The following CDHR3 variants were observed in gnomAD, a reference collection of about 807,000 sequenced individuals.
CDHR3 encodes cadherin-related family member 3.
Under a neutral mutation model 86.6 loss-of-function variants are expected in CDHR3, and 79 were observed. That is an observed-to-expected ratio of 0.91 (90% CI 0.76 to 1.10). CDHR3 has a LOEUF of 1.10. Among genes scored for constraint, CDHR3 ranks in the 50% least tolerant of loss-of-function variants. CDHR3 has a pLI of 0.00. For synonymous variants in CDHR3, 421 were observed against 402.4 expected (o/e 1.05, Z -0.55); for missense variants, 1,081 against 1,077.6 (o/e 1.00, Z -0.04).
chr7:105,966,711 C>T (rs1219871745), intron 1 of CDHR3, among the ~76,000 whole-genome samples: 1 of 152,190 alleles, frequency 6.6e-6, no homozygotes, highest in Non-Finnish European at 1.5e-5. Flanking sequence ...AGTCCCTTCT[C>T]TCAGCTCTTC....
intron 1 of CDHR3, 94 bp from the exon 2 acceptor site, chr7:105,974,750 G>A (rs1242780598): frequency 6.5e-6 from 6 of 927,776 alleles, no homozygotes; most frequent in South Asian, 5.9e-5. Context: ...GTCACCCTGA[G>A]CTACGAATTG....
At chr7:105,997,939 G>A (rs1832516204) in intron 6 of CDHR3, among the ~76,000 whole-genome samples, 1 of 150,916 alleles carries the variant, frequency 6.6e-6, no homozygotes, top group Admixed American at 6.6e-5. Context: ...TCTGTGTGAC[G>A]GTCTTTTTTT....
chr7:106,006,311 G>A (rs374068657), intron 8 of CDHR3, among the ~76,000 whole-genome samples: 25 of 152,178 alleles, frequency 1.6e-4, no homozygotes, highest in Non-Finnish European at 2.6e-4. Flanking sequence ...CAAATCTCAC[G>A]TTCTCACATT....
intron 1 of CDHR3, among the ~76,000 whole-genome samples, chr7:105,967,929 T>A (rs1827241224): frequency 6.6e-6 from 1 of 152,250 alleles, no homozygotes; most frequent in African/African-American, 2.4e-5. Context: ...GATGGTAGTT[T>A]CTTTTGCTGT....
chr7:105,990,955 C>T (rs1831263494), intron 4 of CDHR3, among the ~76,000 whole-genome samples: 1 of 152,174 alleles, frequency 6.6e-6, no homozygotes, highest in African/African-American at 2.4e-5. Flanking sequence ...CAAACTAAAG[C>T]TTTTGTGTCT....
At chr7:106,022,101 A>G (rs1836653823) in intron 13 of CDHR3, 97 bp from the exon 14 acceptor site, 2 of 1,462,634 alleles carry the variant, frequency 1.4e-6, no homozygotes, top group Non-Finnish European at 1.9e-6. Flanking sequence ...AGGTGTGGAC[A>G]TTTGAGAAAA....
Position 106,004,692 on chromosome 7 carries a change from G to A in CDHR3, c.1052+5G>A. 6.2e-7 allele frequency: 1 copy of A among 1,613,876 alleles called. No homozygotes were observed. Among genetic ancestry groups the A allele is most frequent in the Non-Finnish European group, 8.5e-7 (1 of 1,179,792 alleles). Reference sequence around the variant, plus strand: ...ATGCCAAAAGTTCACCTTCAGGTATGCACACTTTGAAAGTTGGGCTGGACA... The same window carrying A: ...ATGCCAAAAGTTCACCTTCAGGTATACACACTTTGAAAGTTGGGCTGGACA... On this transcript the variant is annotated splice_donor_5th_base_variant and intron_variant, in intron 8 of 18. Coordinates refer to ENST00000317716, the MANE Select transcript of CDHR3 (RefSeq NM_152750.5).
chr7:106,031,270 G>T (rs1180876708), intron 18 of CDHR3, among the ~76,000 whole-genome samples: 2 of 152,142 alleles, frequency 1.3e-5, no homozygotes, highest in Non-Finnish European at 2.9e-5. Context: ...AAGATACAGA[G>T]AAATGGCAAG....
rs2115953087 is a variant in CDHR3, at chr7:106,036,421, T to C, written c.*3724T>C. ...TTCGTATTCATTCAATAAATATCTGTGGAGCAACTACCATGTGCCAAGCGT... is the reference window on the plus strand; with the variant it reads ...TTCGTATTCATTCAATAAATATCTGCGGAGCAACTACCATGTGCCAAGCGT... On this transcript the variant is annotated 3_prime_UTR_variant, in exon 19 of 19. Coordinates refer to ENST00000317716, the MANE Select transcript of CDHR3 (RefSeq NM_152750.5). 1 of 152,308 alleles carries C rather than the reference T, an allele frequency of 6.6e-6. No homozygotes were observed. 9.4% of individuals were successfully genotyped at this position (152,308 alleles called of 1,614,324 possible). A position where few individuals can be genotyped will look rare whatever the true frequency, so the allele number is the denominator to read the frequency against.
intron 3 of CDHR3, among the ~76,000 whole-genome samples, chr7:105,983,522 T>A (rs922068833): frequency 1.3e-5 from 2 of 151,778 alleles, no homozygotes. Flanking sequence ...CCCAATAGAG[T>A]GAGTTACTTT....
chr7:106,023,518 C>T (rs555834127), intron 14 of CDHR3, among the ~76,000 whole-genome samples: 4 of 152,156 alleles, frequency 2.6e-5, no homozygotes, highest in Non-Finnish European at 5.9e-5. Flanking sequence ...TCTATGCTGA[C>T]TCATCTGTCC....
intron 4 of CDHR3, among the ~76,000 whole-genome samples, chr7:105,985,825 A>C (rs1358666312): frequency 7.1e-6 from 1 of 141,708 alleles, no homozygotes; most frequent in East Asian, 1.9e-4. Flanking sequence ...CTAGTTAGGA[A>C]TGTGTTTGTC....
rs777741458 is a variant in CDHR3 at position 106,024,381 on chromosome 7, C to T, written c.2077C>T (p.Pro693Ser). ...CCCTCCCTGCTCTCTGTTGTTCAAG[C>T]CCAGGGTCACCTATCAGGTCCTGAG... is the stretch of plus-strand genomic sequence containing the variant. The part of the protein sequence containing the change: ...PTTIITTTPR[P>S]RVTYQVLRKN... The change falls in exon 15 of 19, where the codon CCC becomes TCC. Residue 693 changes from proline to serine, a missense_variant and splice_region_variant. Pro to Ser is a moderately conservative substitution (Grantham distance 74). Transcript: ENST00000317716. 7 of 1,613,774 alleles carry T rather than the reference C, an allele frequency of 4.3e-6. No homozygotes were observed. Among genetic ancestry groups the T allele is most frequent in the Non-Finnish European group, 5.1e-6 (6 of 1,179,724 alleles).
At chr7:105,980,614 TTTTTTTTAA>T (rs1563238929) in intron 2 of CDHR3, among the ~76,000 whole-genome samples, 4 of 88,578 alleles carry the variant, frequency 4.5e-5, no homozygotes, top group Non-Finnish European at 6.6e-5. Flanking sequence ...TTAATTTTTT[TTTTTTTTAA>T]TTTTTTTTTT....
In CDHR3 at chr7:105,994,800, C is replaced by A; in HGVS notation, c.563C>A (p.Thr188Asn). Residue 188 changes from threonine to asparagine, a missense_variant, in exon 5 of 19, where the codon ACC (threonine) becomes AAC (asparagine). Thr to Asn is a moderately conservative substitution (Grantham distance 65). Transcript: ENST00000317716. ...PKSFRMSANG[T>N]LFSTTELDFE... ...AGCTTCAGAATGTCTGCTAATGGCA[C>A]CCTCTTCTCCACAACAGAATTGGAC... 6.2e-7 allele frequency: 1 copy of A among 1,612,594 alleles called. No individual in the cohort carries two copies. Among genetic ancestry groups the A allele is most frequent in the Non-Finnish European group, 8.5e-7 (1 of 1,179,378 alleles).
At chr7:105,983,737 A>G (rs1386898663) in intron 3 of CDHR3, among the ~76,000 whole-genome samples, 1 of 152,110 alleles carries the variant, frequency 6.6e-6, no homozygotes, top group Non-Finnish European at 1.5e-5. Context: ...CCACTGTAAG[A>G]TCCCTCATTT....
intron 17 of CDHR3, among the ~76,000 whole-genome samples, chr7:106,029,548 GTCTCTCTCTCTCTCTC>G (rs59823993): frequency 1.4e-5 from 2 of 147,078 alleles, no homozygotes; most frequent in Admixed American, 1.4e-4. Flanking sequence ...CTCCACCTCT[GTCTCTCTCTCTCTCTC>G]TCTCTCTCTC....
At chr7:105,981,601 T>C (rs1192607890) in intron 3 of CDHR3, among the ~76,000 whole-genome samples, 3 of 152,214 alleles carry the variant, frequency 2.0e-5, no homozygotes, top group African/African-American at 7.2e-5. Context: ...GCTCATGGCT[T>C]TGAGCATCAT....
At chr7:105,986,518 A>T (rs1223955033) in intron 4 of CDHR3, among the ~76,000 whole-genome samples, 1 of 152,228 alleles carries the variant, frequency 6.6e-6, no homozygotes, top group Non-Finnish European at 1.5e-5. Flanking sequence ...AAGAAGAGTA[A>T]ATTAACAAAT....
Sources: allele counts gnomAD v4.1 joint callset (sites outside exome capture counted in the v4.1 genomes callset), GRCh38; gene constraint gnomAD v4.1.1; transcripts MANE v1.5; gene names NCBI Gene and HGNC (gene_info 2026-07-23, HGNC 2026-07-21).